Variants in DNAJC17 observed in about 807,000 individuals in gnomAD.
The protein encoded by DNAJC17 is dnaJ homolog subfamily C member 17.
In DNAJC17, 35 loss-of-function variants were observed where a neutral mutation model predicts 48.1. That is an observed-to-expected ratio of 0.73 (90% CI 0.56 to 0.96). DNAJC17 has a LOEUF of 0.96. DNAJC17 is among the 50% of genes least tolerant of loss of function. DNAJC17 has a pLI of 0.00. For synonymous variants in DNAJC17, 117 were observed against 142.7 expected (o/e 0.82, Z 1.28); for missense variants, 355 against 377.1 (o/e 0.94, Z 0.48).
chr15:40,768,131 G>T, intron 10 of DNAJC17, 69 bp from the exon 11 acceptor site: 1 of 1,468,828 alleles, frequency 6.8e-7, no homozygotes, highest in Non-Finnish European at 9.0e-7. Context: ...CTCCGAGTAC[G>T]GTGCCGAGGC....
rs535654301 is a variant in DNAJC17, at chr15:40,769,344, C to T, written c.793-1282G>A. Among the ~76,000 whole-genome samples, 137 of 152,336 alleles carry T rather than the reference C, an allele frequency of 9.0e-4. No individual in the cohort carries two copies. The highest frequency in any genetic ancestry group is 3.2e-3 in the African/African-American group (135 of 41,572). Reference sequence around the variant, plus strand: ...GGAGGCAACACGGCCCGGCCTTCAGCAGCCGCTCTCCTGGCAGGAGCCCTC... The same window carrying T: ...GGAGGCAACACGGCCCGGCCTTCAGTAGCCGCTCTCCTGGCAGGAGCCCTC... On this transcript the variant is annotated intron_variant, in intron 10 of 10. Transcript: ENST00000220496. This position sits in a 1 kb window ranked among gnomAD's most constrained non-coding sequence, Gnocchi z 4.2.
intron 1 of DNAJC17, among the ~76,000 whole-genome samples, chr15:40,794,915 C>T (rs775986746): frequency 8.5e-4 from 130 of 152,086 alleles, no homozygotes; most frequent in Non-Finnish European, 1.4e-3. Context: ...GATGGGGTTT[C>T]GTCGTGTTGG....
intron 10 of DNAJC17, chr15:40,771,826 C>T (rs1179248534): frequency 6.0e-6 from 1 of 167,122 alleles, no homozygotes; most frequent in Non-Finnish European, 1.5e-5. Context: ...GGGCTGGCCA[C>T]ATAGGAAGAG....
intron 1 of DNAJC17, among the ~76,000 whole-genome samples, chr15:40,805,442 G>C (rs1890183782): frequency 6.6e-6 from 1 of 151,668 alleles, no homozygotes; most frequent in Non-Finnish European, 1.5e-5. Flanking sequence ...AGCTACTCCG[G>C]AGGCTGAGGC....
At chr15:40,792,998 T>C (rs993520690) in intron 1 of DNAJC17, among the ~76,000 whole-genome samples, 6 of 150,476 alleles carry the variant, frequency 4.0e-5, no homozygotes, top group African/African-American at 1.5e-4. Flanking sequence ...GTTCACGCCA[T>C]TCTCTTGCCT....
At chr15:40,779,466 A>G in intron 3 of DNAJC17, 79 bp downstream of exon 3, 1 of 1,590,908 alleles carries the variant, frequency 6.3e-7, no homozygotes, top group African/African-American at 1.3e-5. Flanking sequence ...CACATGGCAA[A>G]GGGCAGAGGA....
At chr15:40,806,134 G>A (rs1004778950) in intron 1 of DNAJC17, among the ~76,000 whole-genome samples, 10 of 151,842 alleles carry the variant, frequency 6.6e-5, no homozygotes, top group Admixed American at 5.9e-4. Flanking sequence ...TTCTGCCCCA[G>A]AGCTTCCTCT....
Position 40,770,752 on chromosome 15 carries a change from A to G in DNAJC17, c.793-2690T>C. ...GCCCCACCCAAGCCCCCACGCCTCT[A>G]CCGAGAGAGCTCAAGCTGCCCCAAC... On this transcript the variant is annotated intron_variant, in intron 10 of 10. Coordinates refer to ENST00000220496, the MANE Select transcript of DNAJC17 (RefSeq NM_018163.3). The surrounding 1 kb of genome is among the most constrained non-coding windows in gnomAD (Gnocchi z 5.0). 2 of 1,545,520 alleles carry G rather than the reference A, an allele frequency of 1.3e-6. No homozygotes were observed. The highest frequency in any genetic ancestry group is 1.7e-4 in the Middle Eastern group (1 of 5,990).
chr15:40,805,375 CAAAAAAAA>C (rs559577744), intron 1 of DNAJC17, among the ~76,000 whole-genome samples: 39,254 of 107,954 alleles, frequency 0.36, 6,288 homozygotes, highest in South Asian at 0.53. Context: ...TACTCTGTCT[CAAAAAAAA>C]AAAAAAAAAA....
At chr15:40,786,406 G>A (rs1168068311) in intron 1 of DNAJC17, among the ~76,000 whole-genome samples, 13 of 152,226 alleles carry the variant, frequency 8.5e-5, no homozygotes, top group Non-Finnish European at 1.6e-4. Flanking sequence ...GCTCACGCCT[G>A]TAATCCCAGC....
chr15:40,772,928 C>A (rs868541654), intron 10 of DNAJC17, among the ~76,000 whole-genome samples: 13 of 152,198 alleles, frequency 8.5e-5, no homozygotes, highest in Middle Eastern at 3.4e-3. Flanking sequence ...GCAGGCACCA[C>A]CCCGTGTCAG....
Position 40,780,171 on chromosome 15 carries a change from G to A in DNAJC17, c.79-174C>T, listed in dbSNP as rs533705251. On this transcript the variant is annotated intron_variant, in intron 1 of 10. Transcript: ENST00000220496. Reference sequence around the variant, plus strand: ...GGAGGAGGCCAAGGCCATGGAGGGAGTGAGCCACTGTCGCCCAGCACAGGA... The same window carrying A: ...GGAGGAGGCCAAGGCCATGGAGGGAATGAGCCACTGTCGCCCAGCACAGGA... The A allele has an allele frequency of 1.6e-5, 11 of 703,480 alleles. No individual in the cohort carries two copies. In the African/African-American group the frequency reaches 1.7e-4, roughly 11 times the overall value. 43.6% of individuals were successfully genotyped at this position (703,480 alleles called of 1,614,324 possible). A position where few individuals can be genotyped will look rare whatever the true frequency, so the allele number is the denominator to read the frequency against.
intron 1 of DNAJC17, among the ~76,000 whole-genome samples, chr15:40,806,513 G>A (rs1397880193): frequency 1.3e-5 from 2 of 151,932 alleles, no homozygotes; most frequent in Middle Eastern, 3.4e-3. Flanking sequence ...CACCGCGCCC[G>A]GCCTAGTAGA....
In DNAJC17 at chr15:40,767,792, G is replaced by T; in HGVS notation, c.*148C>A. The T allele has an allele frequency of 1.7e-6, 2 of 1,206,250 alleles. No homozygotes were observed. Among genetic ancestry groups the T allele is most frequent in the South Asian group, 1.6e-5 (1 of 62,958 alleles). 74.7% of individuals were successfully genotyped at this position (1,206,250 alleles called of 1,614,324 possible). Reference sequence around the variant, plus strand: ...CCCTGGGGGTCTGCCCACTTCCTGGGAGGGGCGCCAGGCCTGGGTGGAGCG... The same window carrying T: ...CCCTGGGGGTCTGCCCACTTCCTGGTAGGGGCGCCAGGCCTGGGTGGAGCG... On this transcript the variant is annotated 3_prime_UTR_variant, in exon 11 of 11. Transcript: ENST00000220496.
chr15:40,784,443 C>T (rs1359249283), intron 1 of DNAJC17, among the ~76,000 whole-genome samples: 2 of 152,116 alleles, frequency 1.3e-5, no homozygotes, highest in Non-Finnish European at 2.9e-5. Flanking sequence ...AAAATCCACT[C>T]ATATTGTCAA....
intron 1 of DNAJC17, among the ~76,000 whole-genome samples, chr15:40,792,846 C>A (rs187153862): frequency 6.6e-6 from 1 of 151,800 alleles, no homozygotes; most frequent in Admixed American, 6.6e-5. Flanking sequence ...TCTGAACCTC[C>A]ATTCTCCAGT....
chr15:40,800,790 C>G (rs150060995), intron 1 of DNAJC17, among the ~76,000 whole-genome samples: 1 of 151,968 alleles, frequency 6.6e-6, no homozygotes, highest in African/African-American at 2.4e-5. Context: ...GAAACCACAT[C>G]TCCACTAAAA....
intron 1 of DNAJC17, among the ~76,000 whole-genome samples, chr15:40,793,175 G>A (rs1256701127): frequency 5.9e-5 from 3 of 51,006 alleles, no homozygotes; most frequent in Admixed American, 2.7e-4. Context: ...TTACAGGCGT[G>A]AGCACCGTGC....
chr15:40,772,842 G>A (rs1173340704), intron 10 of DNAJC17, among the ~76,000 whole-genome samples: 2 of 152,218 alleles, frequency 1.3e-5, no homozygotes, highest in Admixed American at 1.3e-4. Flanking sequence ...AGACACCAGG[G>A]CCATGGTTGC....
Sources: allele counts gnomAD v4.1 joint callset (sites outside exome capture counted in the v4.1 genomes callset), GRCh38; gene constraint gnomAD v4.1.1; non-coding constraint Gnocchi (gnomAD v3.1); transcripts MANE v1.5; gene names NCBI Gene and HGNC (gene_info 2026-07-23, HGNC 2026-07-21).